WDR4: variants seen among roughly 807,000 people sequenced by gnomAD.
The protein encoded by WDR4 is tRNA (guanine-N(7)-)-methyltransferase non-catalytic subunit WDR4.
In WDR4, 47 loss-of-function variants were observed where a neutral mutation model predicts 48.6. That is an observed-to-expected ratio of 0.97 (90% CI 0.77 to 1.23). The LOEUF (loss-of-function observed/expected upper bound fraction) is 1.23. WDR4 is among the 50% of genes most tolerant of loss of function. The pLI, the probability that WDR4 is intolerant of heterozygous loss-of-function variation, is 0.00. For missense variants in WDR4, 606 were observed against 551.6 expected, an observed-to-expected ratio of 1.10 and a Z score of -0.99; for synonymous variants, 268 against 230.0, an observed-to-expected ratio of 1.17 and a Z score of -1.49.
intron 3 of WDR4, 62 bp downstream of exon 3, chr21:42,873,489 C>T (rs1038030999): frequency 1.8e-5 from 29 of 1,595,712 alleles, no homozygotes; most frequent in Non-Finnish European, 2.2e-5. Flanking sequence ...ACTATTGCTA[C>T]AGGCATGCAA....
chr21:42,881,097 G>A (rs1031031990), upstream of WDR4, among the ~76,000 whole-genome samples: 5 of 152,134 alleles, frequency 3.3e-5, no homozygotes, highest in South Asian at 4.1e-4. Context: ...CAGTGGAGAC[G>A]GGGTTTCACC....
At chr21:42,881,028 C>T (rs2058605130), upstream of WDR4, among the ~76,000 whole-genome samples, 1 of 151,944 alleles carries the variant, frequency 6.6e-6, no homozygotes, top group Non-Finnish European at 1.5e-5. Flanking sequence ...GCCTCAGCCT[C>T]CTGAGTAGCT....
At chr21:42,870,304 T>C (rs1313798433) in intron 3 of WDR4, among the ~76,000 whole-genome samples, 1 of 152,166 alleles carries the variant, frequency 6.6e-6, no homozygotes, top group Non-Finnish European at 1.5e-5. Context: ...TGAGCCGGGA[T>C]TGGGCCACTG....
chr21:42,843,524 CCTCAGCCTCCCGA>C (rs1430669128), intron 11 of WDR4, among the ~76,000 whole-genome samples: 2 of 150,810 alleles, frequency 1.3e-5, no homozygotes, highest in African/African-American at 4.9e-5. Context: ...GATCCTCCCG[CCTCAGCCTCCCGA>C]GCAGCTGGGA....
chr21:42,853,491 A>G, intron 9 of WDR4, 78 bp downstream of exon 9: 1 of 1,487,148 alleles, frequency 6.7e-7, no homozygotes. Flanking sequence ...ATGGACCCAA[A>G]AAACATAGCT....
chr21:42,873,648 A>G lies in WDR4; in HGVS notation c.199T>C (p.Ser67Pro). 6.2e-7 allele frequency: 1 copy of G among 1,614,160 alleles called. No individual in the cohort carries two copies. The highest frequency in any genetic ancestry group is 8.5e-7 in the Non-Finnish European group (1 of 1,180,022). Residue 67 changes from serine to proline, a missense_variant, in exon 3 of 11, where the codon TCC (serine) becomes CCC (proline). Ser to Pro is a moderately conservative substitution (Grantham distance 74). Transcript: ENST00000398208. Reference protein sequence around the residue: ...LDQGSGAILASTFSKSGSYFA... With the variant: ...LDQGSGAILAPTFSKSGSYFA... ...TAGCTGCCAGACTTGGAGAAGGTGG[A>G]CGCCAGAATCGCACCGCTCCCCTGG...
intron 3 of WDR4, among the ~76,000 whole-genome samples, chr21:42,869,367 C>A (rs1169010368): frequency 3.9e-5 from 6 of 152,218 alleles, no homozygotes; most frequent in African/African-American, 1.2e-4. Flanking sequence ...GTCTAAGTAA[C>A]TGGATCACGT....
the WDR4 span, among the ~76,000 whole-genome samples, chr21:42,890,025 T>C: frequency 1.3e-5 from 2 of 151,176 alleles, no homozygotes; most frequent in African/African-American, 4.9e-5. Flanking sequence ...GAAACTGTAG[T>C]GAGCTATAAC....
chr21:42,877,585 C>T lies in WDR4; in HGVS notation c.90-818G>A, dbSNP rs562187810. ...AGAAAACTGTCTAGATACAATATTT[C>T]AGGGAACAGTTAACAAACTTTATTT... On this transcript the variant is annotated intron_variant, in intron 1 of 10. Coordinates refer to ENST00000398208, the MANE Select transcript of WDR4 (RefSeq NM_018669.6). 2.0e-5 allele frequency among the ~76,000 whole-genome samples: 3 copies of T among 151,320 alleles called. No individual in the cohort carries two copies. In the South Asian group the frequency reaches 6.3e-4, roughly 32 times the overall value.
At chr21:42,887,926 A>AAAAAC in the WDR4 span, among the ~76,000 whole-genome samples, 1 of 152,154 alleles carries the variant, frequency 6.6e-6, no homozygotes, top group African/African-American at 2.4e-5. Flanking sequence ...CGTGTCAAAA[A>AAAAAC]AAAAACAAAA....
intron 2 of WDR4, among the ~76,000 whole-genome samples, chr21:42,874,188 A>C (rs1035688778): frequency 2.0e-5 from 3 of 152,220 alleles, no homozygotes; most frequent in African/African-American, 7.2e-5. Flanking sequence ...TAATACTTTT[A>C]TAATTTCTTA....
intron 3 of WDR4, among the ~76,000 whole-genome samples, chr21:42,867,232 A>C (rs141242347): frequency 0.015 from 2,241 of 152,192 alleles, 138 homozygotes; most frequent in Admixed American, 0.11. Flanking sequence ...CTCTACTAAA[A>C]ATATAAAAAT....
chr21:42,869,402 C>T (rs146381777), intron 3 of WDR4, among the ~76,000 whole-genome samples: 228 of 152,238 alleles, frequency 1.5e-3, no homozygotes, highest in African/African-American at 4.4e-3. Context: ...CACATCGGCA[C>T]GTGGATCTCA....
chr21:42,869,460 A>T (rs2058319940), intron 3 of WDR4, among the ~76,000 whole-genome samples: 1 of 152,138 alleles, frequency 6.6e-6, no homozygotes, highest in Non-Finnish European at 1.5e-5. Context: ...TTGTCAGCTA[A>T]GGCAAGGGTA....
intron 1 of WDR4, 34 bp from the exon 2 acceptor site, chr21:42,876,801 T>G: frequency 6.3e-7 from 1 of 1,589,688 alleles, no homozygotes; most frequent in Admixed American, 1.8e-5. Flanking sequence ...TAAAAGGAGT[T>G]ATCATTAGAG....
At chr21:42,866,201 C>T (rs2058242489) in intron 3 of WDR4, among the ~76,000 whole-genome samples, 1 of 152,184 alleles carries the variant, frequency 6.6e-6, no homozygotes, top group African/African-American at 2.4e-5. Flanking sequence ...GGCCTCAGTC[C>T]CTCGGGCCAA....
chr21:42,869,122 A>G (rs1306607196), intron 3 of WDR4, among the ~76,000 whole-genome samples: 2 of 152,114 alleles, frequency 1.3e-5, no homozygotes, highest in Non-Finnish European at 2.9e-5. Flanking sequence ...TGCTCATCCC[A>G]TACTCTGGCT....
chr21:42,863,846 C>A (rs1280469913), intron 3 of WDR4, among the ~76,000 whole-genome samples: 1 of 149,992 alleles, frequency 6.7e-6, no homozygotes, highest in Admixed American at 6.6e-5. Context: ...GTGGCTCACA[C>A]CTGTAATCCC....
intron 10 of WDR4, 144 bp downstream of exon 10, chr21:42,852,106 TGCCCC>T: frequency 1.2e-6 from 1 of 842,494 alleles, no homozygotes; most frequent in Non-Finnish European, 1.9e-6. Flanking sequence ...CCTCCTGCCC[TGCCCC>T]GCCTTCTGGA....
Sources: allele counts gnomAD v4.1 joint callset (sites outside exome capture counted in the v4.1 genomes callset), GRCh38; gene constraint gnomAD v4.1.1; transcripts MANE v1.5; gene names NCBI Gene and HGNC (gene_info 2026-07-23, HGNC 2026-07-21).